KAZN: variants seen among roughly 807,000 people sequenced by gnomAD.
The protein encoded by KAZN is kazrin.
Under a neutral mutation model 87.4 loss-of-function variants are expected in KAZN, and 40 were observed. The ratio of observed to expected loss-of-function variants is 0.46; its 90% confidence interval spans 0.36 to 0.60. The LOEUF (loss-of-function observed/expected upper bound fraction) is 0.60, where lower values mean the gene tolerates loss of function less well. Ranked by LOEUF, KAZN falls within the 20% of genes least tolerant of loss-of-function variation. The pLI is 0.00. For synonymous variants in KAZN, 466 were observed against 458.3 expected (o/e 1.02, Z -0.22); for missense variants, 898 against 1,073.9 (o/e 0.84, Z 2.29).
intron 1 of KAZN, among the ~76,000 whole-genome samples, chr1:14,811,594 T>C (rs926174408): frequency 9.2e-5 from 14 of 152,254 alleles, no homozygotes; most frequent in African/African-American, 3.1e-4. Flanking sequence ...TTGTTTCATT[T>C]ACTCTCTTAC....
In KAZN at chr1:15,096,600, T is replaced by TA. The variant is rs1413463668; in HGVS notation, c.1547+1668dup. Among the ~76,000 whole-genome samples the TA allele has an allele frequency of 6.6e-6, 1 of 152,230 alleles. No homozygotes were observed. The highest frequency in any genetic ancestry group is 2.4e-5 in the African/African-American group (1 of 41,456). On this transcript the variant is annotated intron_variant, in intron 10 of 14. Transcript: ENST00000376030. The surrounding 1 kb of genome is among the most constrained non-coding windows in gnomAD (Gnocchi z 4.5). ...CATCTGGGTTGCTTAGACAACAACT[T>TA]ACGTCTCACAGTTCTGGAGGCTGGA...
chr1:14,841,132 A>T (rs1647923102), intron 1 of KAZN, among the ~76,000 whole-genome samples: 1 of 152,146 alleles, frequency 6.6e-6, no homozygotes, highest in Non-Finnish European at 1.5e-5. Flanking sequence ...ATGGAGCCAT[A>T]AGCGGCCGGG....
At chr1:14,555,032 G>A (rs953907091) in intron 2 of KAZN, among the ~76,000 whole-genome samples, 6 of 152,180 alleles carry the variant, frequency 3.9e-5, no homozygotes, top group African/African-American at 7.2e-5. Flanking sequence ...AGTTACAGCC[G>A]TGGAGGGACT....
At chr1:14,366,524 G>A (rs1385748633) in intron 2 of KAZN, among the ~76,000 whole-genome samples, 1 of 152,222 alleles carries the variant, frequency 6.6e-6, no homozygotes, top group Non-Finnish European at 1.5e-5. Flanking sequence ...AGCTGCTTCG[G>A]CGCCAGCAGG....
chr1:14,620,900 G>T (rs1678646692), intron 1 of KAZN, among the ~76,000 whole-genome samples: 1 of 152,202 alleles, frequency 6.6e-6, no homozygotes, highest in Non-Finnish European at 1.5e-5. Context: ...TAATTTCCAT[G>T]AAAGTGTCCC....
In KAZN at chr1:13,935,900, G is replaced by GTGTGTGTGTGTGTGTGTA. The variant is rs60444554; in HGVS notation, c.91+42145_91+42146insGTGTGTGTGTGTGTGTAT. Among the ~76,000 whole-genome samples, 14 of 141,392 alleles carry GTGTGTGTGTGTGTGTGTA rather than the reference G, an allele frequency of 9.9e-5. 1 individual carries two copies. The highest frequency in any genetic ancestry group is 2.0e-4 in the Non-Finnish European group (13 of 64,774). 92.8% of individuals were successfully genotyped at this position (141,392 alleles called of 152,430 possible). A position where few individuals can be genotyped will look rare whatever the true frequency, so the allele number is the denominator to read the frequency against. On this transcript the variant is annotated intron_variant, in intron 1 of 16. Transcript: ENST00000636203. ...TGTGTGTGTGTGTGTGTGTGTGTGT[G>GTGTGTGTGTGTGTGTGTA]TAGAATCAGATAAATTATTTAATAT...
At chr1:14,239,292 G>T (rs776899249) in intron 2 of KAZN, among the ~76,000 whole-genome samples, 1 of 152,002 alleles carries the variant, frequency 6.6e-6, no homozygotes, top group Non-Finnish European at 1.5e-5. Flanking sequence ...CACCCCAAAA[G>T]TTTTTTAAGA....
intron 1 of KAZN, among the ~76,000 whole-genome samples, chr1:13,945,469 G>A (rs6704094): frequency 0.23 from 19,399 of 86,148 alleles, 1,447 homozygotes; most frequent in South Asian, 0.3. Context: ...GGGAGAGTCC[G>A]TCTCAAAAAA....
intron 1 of KAZN, among the ~76,000 whole-genome samples, chr1:13,960,941 G>T (rs1641727039): frequency 6.6e-6 from 1 of 152,124 alleles, no homozygotes; most frequent in Non-Finnish European, 1.5e-5. Flanking sequence ...TGTGTCCCTG[G>T]CTGAGAAGGG....
At chr1:14,496,418 A>G (rs1354956197) in intron 2 of KAZN, among the ~76,000 whole-genome samples, 1 of 152,178 alleles carries the variant, frequency 6.6e-6, no homozygotes, top group Non-Finnish European at 1.5e-5. Context: ...AAAAATTGAT[A>G]TTCATAGACT....
chr1:14,830,553 G>C (rs751022317), intron 1 of KAZN, among the ~76,000 whole-genome samples: 1 of 152,170 alleles, frequency 6.6e-6, no homozygotes, highest in Non-Finnish European at 1.5e-5. Flanking sequence ...TTGACCCACA[G>C]TTCTGCAGGC....
intron 1 of KAZN, among the ~76,000 whole-genome samples, chr1:14,954,068 C>A (rs994017857): frequency 9.9e-5 from 15 of 152,184 alleles, no homozygotes; most frequent in Non-Finnish European, 1.5e-4. Flanking sequence ...TGAGTGGGTA[C>A]ACCACACCCC....
chr1:13,893,889 G>C (rs1329421104), intron 1 of KAZN: 9 of 1,100,614 alleles, frequency 8.2e-6, no homozygotes, highest in Non-Finnish European at 1.1e-5. Context: ...TATAATGTGG[G>C]ATGTAAGACT....
chr1:14,697,940 G>A (rs546475517), intron 1 of KAZN, among the ~76,000 whole-genome samples: 1 of 152,294 alleles, frequency 6.6e-6, no homozygotes, highest in South Asian at 2.1e-4. Context: ...AGAGCATAGA[G>A]CCCTTGGAAG....
chr1:14,630,039 G>C (rs575984659), intron 1 of KAZN, among the ~76,000 whole-genome samples: 1 of 151,440 alleles, frequency 6.6e-6, no homozygotes, highest in Non-Finnish European at 1.5e-5. Flanking sequence ...TGCAATGTCA[G>C]TGAACATGGC....
chr1:14,911,908 T>C (rs1657286837), intron 1 of KAZN, among the ~76,000 whole-genome samples: 1 of 151,822 alleles, frequency 6.6e-6, no homozygotes, highest in African/African-American at 2.4e-5. Context: ...ATCCAGCACT[T>C]TGGGAGGCCG....
At chr1:14,689,724 C>T (rs538891774) in intron 1 of KAZN, among the ~76,000 whole-genome samples, 4 of 152,328 alleles carry the variant, frequency 2.6e-5, no homozygotes, top group Admixed American at 1.3e-4. Flanking sequence ...CAAGGGGCTG[C>T]GAAGCTAGAG....
intron 1 of KAZN, among the ~76,000 whole-genome samples, chr1:14,706,404 T>A (rs550871875): frequency 1.6e-4 from 25 of 152,154 alleles, no homozygotes; most frequent in Non-Finnish European, 3.5e-4. Flanking sequence ...GGGACCGCTG[T>A]TCTGCACCAC....
intron 1 of KAZN, among the ~76,000 whole-genome samples, chr1:14,619,329 C>A (rs1368255184): frequency 6.6e-6 from 1 of 151,526 alleles, no homozygotes; most frequent in East Asian, 1.9e-4. Flanking sequence ...TCCTAAGTAG[C>A]TAGATCTACA....
Sources: gnomAD v4.1 joint callset for allele counts (sites outside exome capture counted in the v4.1 genomes callset) on GRCh38, gnomAD v4.1.1 for gene constraint, Gnocchi (gnomAD v3.1) non-coding constraint, MANE v1.5 for transcripts, NCBI Gene and HGNC (gene_info 2026-07-23, HGNC 2026-07-21) for gene names.